Variants in FAM135A observed in about 807,000 individuals in gnomAD.
FAM135A encodes protein FAM135A.
FAM135A carries 79 observed loss-of-function variants against 146.8 expected under a neutral mutation model. The ratio of observed to expected loss-of-function variants is 0.54; its 90% CI spans 0.45 to 0.65. The LOEUF (loss-of-function observed/expected upper bound fraction) is 0.65, where lower values mean the gene tolerates loss of function less well. FAM135A is among the 30% of genes least tolerant of loss of function. The pLI, the probability that FAM135A is intolerant of heterozygous loss-of-function variation, is 0.00. For missense variants in FAM135A, 1,623 were observed against 1,758.2 expected, an observed-to-expected ratio of 0.92 and a Z score of 1.38; for synonymous variants, 562 against 603.6, an observed-to-expected ratio of 0.93 and a Z score of 1.01.
chr6:70,488,527 A>G (rs891249780), intron 10 of FAM135A, among the ~76,000 whole-genome samples: 2 of 149,046 alleles, frequency 1.3e-5, no homozygotes, highest in Non-Finnish European at 3.0e-5. Context: ...AACTGTATAA[A>G]TGGATATACA....
chr6:70,523,840 A>T, intron 13 of FAM135A, 127 bp from the exon 14 acceptor site: 2 of 850,982 alleles, frequency 2.4e-6, no homozygotes, highest in Non-Finnish European at 3.5e-6. Flanking sequence ...CAGCTCTCTC[A>T]TAAGAAGGTT....
chr6:70,514,960 A>G (rs979765143), intron 12 of FAM135A, among the ~76,000 whole-genome samples: 1 of 152,220 alleles, frequency 6.6e-6, no homozygotes, highest in African/African-American at 2.4e-5. Context: ...TCAGAGCTTC[A>G]CTGACCTGGG....
In FAM135A at chr6:70,539,991, G is replaced by A. The variant is rs560995294; in HGVS notation, c.4228+1590G>A. On this transcript the variant is annotated intron_variant, in intron 20 of 21. Transcript: ENST00000418814. ...AGGCTGGGAGACAGAGTGAGACTCC[G>A]TCTCAAAAAAAAGAAAGACATTGAC... is the stretch of plus-strand genomic sequence containing the variant. 4.2e-3 allele frequency among the ~76,000 whole-genome samples: 642 copies of A among 152,098 alleles called. 10 individuals carry two copies. Among genetic ancestry groups the A allele is most frequent in the African/African-American group, 0.015 (617 of 41,520 alleles).
rs554641522 is a variant in FAM135A at position 70,539,796 on chromosome 6, C to G, written c.4228+1395C>G. ...GGATCACGAGGTCAGGAGATCGAGA[C>G]CATCCTGGCTAACACGGTGAAACCC... On this transcript the variant is annotated intron_variant, in intron 20 of 21. Coordinates refer to ENST00000418814, the MANE Select transcript of FAM135A (RefSeq NM_001162529.3). Among the ~76,000 whole-genome samples the G allele has an allele frequency of 2.0e-5, 3 of 152,084 alleles. No individual in the cohort carries two copies. The East Asian group carries it at 5.8e-4, about 29-fold the overall frequency.
intron 12 of FAM135A, among the ~76,000 whole-genome samples, chr6:70,513,885 A>AT (rs1273304918): frequency 6.6e-6 from 1 of 151,422 alleles, no homozygotes; most frequent in African/African-American, 2.4e-5. Flanking sequence ...TATTTATACT[A>AT]TTTTTCCCCT....
At chr6:70,500,350 C>A (rs1282338177) in intron 11 of FAM135A, among the ~76,000 whole-genome samples, 1 of 152,156 alleles carries the variant, frequency 6.6e-6, no homozygotes, top group Admixed American at 6.5e-5. Flanking sequence ...ATGTTCCTCT[C>A]TAAACTGGTT....
rs1322270745 is a variant in FAM135A at position 70,560,893 on chromosome 6, G to A, written c.*972G>A. On this transcript the variant is annotated 3_prime_UTR_variant, in exon 22 of 22. Coordinates refer to ENST00000418814, the MANE Select transcript of FAM135A (RefSeq NM_001162529.3). ...CAAAATAATTAACTTTACATGTTTG[G>A]TGATACAGATGCAAATGTTTTTGAT... 1.3e-5 allele frequency: 2 copies of A among 152,446 alleles called. No individual in the cohort carries two copies. The highest frequency in any genetic ancestry group is 4.8e-5 in the African/African-American group (2 of 41,402). The allele number at this position is 152,446 out of a possible 1,614,324, so 9.4% of individuals were successfully genotyped here.
intron 5 of FAM135A, among the ~76,000 whole-genome samples, chr6:70,459,888 A>G (rs1235901418): frequency 6.6e-6 from 1 of 152,086 alleles, no homozygotes; most frequent in Non-Finnish European, 1.5e-5. Flanking sequence ...AAAATTAGCC[A>G]GGCGTGGTGG....
intron 11 of FAM135A, among the ~76,000 whole-genome samples, chr6:70,498,545 A>G (rs571639412): frequency 1.3e-5 from 2 of 151,822 alleles, no homozygotes; most frequent in Admixed American, 6.6e-5. Context: ...TCTTGCTTCT[A>G]TAATTCTTTT....
At chr6:70,555,194 G>C (rs1249574724) in intron 20 of FAM135A, among the ~76,000 whole-genome samples, 1 of 152,266 alleles carries the variant, frequency 6.6e-6, no homozygotes, top group Non-Finnish European at 1.5e-5. Context: ...CTCTTGTAAA[G>C]TGGGAAAAAG....
intron 5 of FAM135A, among the ~76,000 whole-genome samples, chr6:70,474,513 C>G (rs1782238711): frequency 6.6e-6 from 1 of 152,192 alleles, no homozygotes; most frequent in South Asian, 2.1e-4. Flanking sequence ...ATTATTCCCT[C>G]ATGTTTGATA....
intron 20 of FAM135A, among the ~76,000 whole-genome samples, chr6:70,544,024 G>A (rs1798398998): frequency 6.6e-6 from 1 of 151,738 alleles, no homozygotes; most frequent in African/African-American, 2.4e-5. Context: ...AATGAGAATA[G>A]TAGTATCTCA....
intron 11 of FAM135A, among the ~76,000 whole-genome samples, chr6:70,493,860 C>A (rs565211263): frequency 2.0e-4 from 31 of 152,016 alleles, no homozygotes; most frequent in Middle Eastern, 3.2e-3. Flanking sequence ...GGAGACCAGT[C>A]TGGCCAACAT....
chr6:70,510,829 T>C (rs2128291972), intron 12 of FAM135A, among the ~76,000 whole-genome samples: 1 of 152,216 alleles, frequency 6.6e-6, no homozygotes, highest in Middle Eastern at 3.4e-3. Flanking sequence ...GTTTAACTTT[T>C]TGAGGAACAT....
At chr6:70,537,299 T>G (rs1045035012) in intron 19 of FAM135A, among the ~76,000 whole-genome samples, 2 of 152,172 alleles carry the variant, frequency 1.3e-5, no homozygotes, top group African/African-American at 4.8e-5. Context: ...TATAAATTAG[T>G]CAATTGATTC....
At chr6:70,516,428 T>C (rs1792228716) in intron 12 of FAM135A, among the ~76,000 whole-genome samples, 1 of 152,140 alleles carries the variant, frequency 6.6e-6, no homozygotes, top group Non-Finnish European at 1.5e-5. Flanking sequence ...GATCCTAGAT[T>C]CTAATGTGGA....
At chr6:70,445,553 C>T (rs966255222) in intron 4 of FAM135A, among the ~76,000 whole-genome samples, 1 of 152,160 alleles carries the variant, frequency 6.6e-6, no homozygotes, top group Non-Finnish European at 1.5e-5. Flanking sequence ...ACTAGATTAA[C>T]TAAAAGTATC....
At chr6:70,545,992 C>G (rs9446262) in intron 20 of FAM135A, among the ~76,000 whole-genome samples, 3,854 of 151,938 alleles carry the variant, frequency 0.025, 170 homozygotes, top group African/African-American at 0.089. Context: ...TTTAAAATTA[C>G]GTTGTAGAGA....
rs146457626 is a variant in FAM135A at position 70,550,717 on chromosome 6, G to A, written c.4229-6033G>A. Among the ~76,000 whole-genome samples, 917 of 152,286 alleles carry A rather than the reference G, an allele frequency of 6.0e-3. 5 individuals are homozygous for A. The highest frequency in any genetic ancestry group is 0.015 in the South Asian group (71 of 4,830). Reference sequence around the variant, plus strand: ...TTCAAGGCCCCAGCTGCATTAATCCGTAACAAGAGAGTCAGCTTGCCCTTT... The same window carrying A: ...TTCAAGGCCCCAGCTGCATTAATCCATAACAAGAGAGTCAGCTTGCCCTTT... On this transcript the variant is annotated intron_variant, in intron 20 of 21. Coordinates refer to ENST00000418814, the MANE Select transcript of FAM135A (RefSeq NM_001162529.3).
Sources: gnomAD v4.1 joint callset for allele counts (sites outside exome capture counted in the v4.1 genomes callset) on GRCh38, gnomAD v4.1.1 for gene constraint, MANE v1.5 for transcripts, NCBI Gene and HGNC (gene_info 2026-07-23, HGNC 2026-07-21) for gene names.